Variants in KANK4 observed in about 807,000 individuals in gnomAD.
KANK4 encodes KN motif and ankyrin repeat domains 4.
KANK4 carries 50 observed loss-of-function variants against 80.8 expected under a neutral mutation model. The observed-to-expected ratio is 0.62, with a 90% CI of 0.49 to 0.78. KANK4 has a LOEUF of 0.78. Among genes scored for constraint, KANK4 ranks in the 30% least tolerant of loss-of-function variants. The probability of loss-of-function intolerance (pLI) is 0.00; values close to 1 mark genes in which losing one functional copy is unlikely to be tolerated. For synonymous variants in KANK4, 465 were observed against 506.9 expected (o/e 0.92, Z 1.11); for missense variants, 1,196 against 1,240.1 (o/e 0.96, Z 0.53).
chr1:62,314,442 T>C (rs2149175562), intron 1 of KANK4, among the ~76,000 whole-genome samples: 1 of 152,264 alleles, frequency 6.6e-6, no homozygotes, highest in Non-Finnish European at 1.5e-5. Context: ...TGCTGCCTGG[T>C]GCCCTGCTAG....
chr1:62,285,789 A>G (rs1486480212), intron 1 of KANK4, among the ~76,000 whole-genome samples: 3 of 152,218 alleles, frequency 2.0e-5, no homozygotes, highest in South Asian at 4.2e-4. Context: ...TCCATAAGAA[A>G]AAAAAAAAAA....
chr1:62,251,596 G>A (rs1408619567), intron 8 of KANK4, among the ~76,000 whole-genome samples: 2 of 152,092 alleles, frequency 1.3e-5, no homozygotes, highest in African/African-American at 4.8e-5. Flanking sequence ...CAAGCAGAGG[G>A]CCCCAGAAGA....
At chr1:62,314,903 G>A (rs879600221) in intron 1 of KANK4, among the ~76,000 whole-genome samples, 5 of 152,146 alleles carry the variant, frequency 3.3e-5, no homozygotes, top group Admixed American at 6.5e-5. Flanking sequence ...GAGAAGGAAC[G>A]CTCGGCCAGC....
At chr1:62,282,848 C>T (rs1452099923) in intron 1 of KANK4, among the ~76,000 whole-genome samples, 1 of 152,216 alleles carries the variant, frequency 6.6e-6, no homozygotes, top group Non-Finnish European at 1.5e-5. Flanking sequence ...AGGATTGGCA[C>T]ACTGAGTACC....
intron 1 of KANK4, among the ~76,000 whole-genome samples, chr1:62,307,610 T>C (rs1336580987): frequency 6.6e-6 from 1 of 152,080 alleles, no homozygotes; most frequent in Non-Finnish European, 1.5e-5. Flanking sequence ...CTGAGAACAT[T>C]GTAATAACTC....
intron 8 of KANK4, among the ~76,000 whole-genome samples, chr1:62,251,013 G>A (rs1331401501): frequency 2.0e-5 from 3 of 152,234 alleles, no homozygotes; most frequent in Non-Finnish European, 4.4e-5. Context: ...TGTGAGTAAA[G>A]CACACCACAA....
intron 9 of KANK4, among the ~76,000 whole-genome samples, chr1:62,245,392 T>C (rs1671441621): frequency 6.6e-6 from 1 of 152,122 alleles, no homozygotes; most frequent in Non-Finnish European, 1.5e-5. Context: ...GCTGTCTGGG[T>C]GTGACTGAGG....
chr1:62,253,048 T>A lies in KANK4; in HGVS notation c.2682+19A>T, dbSNP rs1671659331. ...GCCCCTGCATTTACTGAAGAGGAGA[T>A]CCTGTTCATTCCACCCACCTGAGTA... On this transcript the variant is annotated intron_variant, in intron 8 of 9. Transcript: ENST00000371153. 2 of 1,612,820 alleles carry A rather than the reference T, an allele frequency of 1.2e-6. No homozygotes were observed. Among genetic ancestry groups the A allele is most frequent in the African/African-American group, 1.3e-5 (1 of 74,866 alleles).
In KANK4 at chr1:62,268,373, C is replaced by T. The variant is rs769579397; in HGVS notation, c.2145G>A (p.Glu715=). Residue 715 remains glutamate, a synonymous_variant, in exon 5 of 10, where the codon GAG becomes GAA. Coordinates refer to ENST00000371153, the MANE Select transcript of KANK4 (RefSeq NM_181712.5). ...KHVKDAHLTC[E]AGQGIPEGTC... The stretch of plus-strand genomic sequence containing the variant: ...TGCCCTCAGGGATGCCCTGCCCAGC[C>T]TCGCAGGTGAGATGGGCATCTTTGA... 2 of 1,614,080 alleles carry T rather than the reference C, an allele frequency of 1.2e-6. No homozygotes were observed. The highest frequency in any genetic ancestry group is 2.2e-5 in the South Asian group (2 of 91,056).
chr1:62,315,262 A>G (rs1217724865), intron 1 of KANK4, among the ~76,000 whole-genome samples: 3 of 152,254 alleles, frequency 2.0e-5, no homozygotes, highest in Admixed American at 6.5e-5. Flanking sequence ...CTCTTCCCAC[A>G]AACTCTACTA....
intron 7 of KANK4, among the ~76,000 whole-genome samples, chr1:62,258,361 T>C (rs1671798774): frequency 6.6e-6 from 1 of 152,224 alleles, no homozygotes; most frequent in Admixed American, 6.5e-5. Flanking sequence ...CATGCTCCAT[T>C]TAATTATGTG....
chr1:62,253,409 C>CTTTTT lies in KANK4; in HGVS notation c.2540-205_2540-201dup, dbSNP rs34488630. On this transcript the variant is annotated intron_variant, in intron 7 of 9. Coordinates refer to ENST00000371153, the MANE Select transcript of KANK4 (RefSeq NM_181712.5). ...TTTCTTTTCTTTTTTTTCTTTCTTT[C>CTTTTT]TTTTTTTTTTTTTTTTTTGAGACAG... is the stretch of plus-strand genomic sequence containing the variant. 1.5e-3 allele frequency among the ~76,000 whole-genome samples: 161 copies of CTTTTT among 110,948 alleles called. 1 individual carries two copies. The highest frequency in any genetic ancestry group is 2.0e-3 in the South Asian group (6 of 3,070). 72.8% of individuals were successfully genotyped at this position (110,948 alleles called of 152,430 possible). A position where few individuals can be genotyped will look rare whatever the true frequency, so the allele number is the denominator to read the frequency against.
intron 1 of KANK4, 25 bp from the exon 2 acceptor site, chr1:62,281,659 T>C: frequency 7.2e-7 from 1 of 1,391,642 alleles, no homozygotes; most frequent in Non-Finnish European, 1.0e-6. Flanking sequence ...GATACAGAAG[T>C]GGTGAGTCTC....
chr1:62,280,452 G>T (rs1377397443), intron 2 of KANK4, among the ~76,000 whole-genome samples: 1 of 152,206 alleles, frequency 6.6e-6, no homozygotes, highest in African/African-American at 2.4e-5. Context: ...GCAGCTCTCT[G>T]GGGAGAAAGG....
intron 2 of KANK4, among the ~76,000 whole-genome samples, chr1:62,279,196 G>GCACACACACACA (rs1457451049): frequency 5.8e-5 from 3 of 51,676 alleles, no homozygotes; most frequent in South Asian, 8.5e-4. Flanking sequence ...AAGCTAGCGC[G>GCACACACACACA]CGCACACACA....
At chr1:62,268,910 A>C (rs1672094068) in intron 4 of KANK4, among the ~76,000 whole-genome samples, 1 of 152,142 alleles carries the variant, frequency 6.6e-6, no homozygotes, top group African/African-American at 2.4e-5. Context: ...AACTCTAGCC[A>C]AACATCCCCA....
intron 3 of KANK4, 152 bp downstream of exon 3, chr1:62,273,052 A>T (rs1303712687): frequency 2.0e-6 from 1 of 489,844 alleles, no homozygotes; most frequent in East Asian, 3.4e-5. Flanking sequence ...CCGCCTCCCA[A>T]AGTGCTGGGA....
chr1:62,281,632 G>C lies in KANK4; in HGVS notation c.-68C>G. 1 of 1,581,022 alleles carries C rather than the reference G, an allele frequency of 6.3e-7. No individual in the cohort carries two copies. Among genetic ancestry groups the C allele is most frequent in the Non-Finnish European group, 8.7e-7 (1 of 1,149,808 alleles). ...AATGAGTCTGTAAAACTTGTTGAAG[G>C]TTCTGAAAGAAAGGAGGATACAGAA... On this transcript the variant is annotated splice_region_variant and 5_prime_UTR_variant, in exon 2 of 10. Transcript: ENST00000371153.
rs546008297 is a variant in KANK4 at position 62,240,442 on chromosome 1, G to A, written c.2884-2061C>T. ...CCCAGCACTTTGGGAGGCCAAGGCC[G>A]GTGGATCACCTGAGGTTGGGAGTTC... On this transcript the variant is annotated intron_variant, in intron 9 of 9. Coordinates refer to ENST00000371153, the MANE Select transcript of KANK4 (RefSeq NM_181712.5). Among the ~76,000 whole-genome samples the A allele has an allele frequency of 2.5e-4, 38 of 152,284 alleles. 1 individual carries two copies. Among genetic ancestry groups the A allele is most frequent in the African/African-American group, 7.7e-4 (32 of 41,576 alleles).
Sources: gnomAD v4.1 joint callset for allele counts (sites outside exome capture counted in the v4.1 genomes callset) on GRCh38, gnomAD v4.1.1 for gene constraint, MANE v1.5 for transcripts, NCBI Gene and HGNC (gene_info 2026-07-23, HGNC 2026-07-21) for gene names.